Variants in ARHGAP20 observed in about 807,000 individuals in gnomAD.
The protein encoded by ARHGAP20 is Rho GTPase activating protein 20.
A neutral mutation model predicts 73.7 loss-of-function variants in ARHGAP20; 34 were observed. The ratio of observed to expected loss-of-function variants is 0.46; its 90% CI spans 0.35 to 0.61. ARHGAP20 has a LOEUF of 0.61. ARHGAP20 is among the 20% of genes least tolerant of loss of function. The probability of loss-of-function intolerance (pLI) is 0.00; values close to 1 mark genes in which losing one functional copy is unlikely to be tolerated. For synonymous variants in ARHGAP20, 523 were observed against 518.2 expected, an observed-to-expected ratio of 1.01 and a Z score of -0.13; for missense variants, 1,314 against 1,420.9, an observed-to-expected ratio of 0.92 and a Z score of 1.21.
At chr11:110,588,529 T>G (rs1212188199) in intron 11 of ARHGAP20, among the ~76,000 whole-genome samples, 5 of 152,344 alleles carry the variant, frequency 3.3e-5, no homozygotes, top group South Asian at 2.1e-4. Context: ...TCTCCCTTTC[T>G]GCAACCACTT....
At chr11:110,597,799 G>C (rs768786028) in intron 9 of ARHGAP20, among the ~76,000 whole-genome samples, 2 of 151,922 alleles carry the variant, frequency 1.3e-5, no homozygotes, top group Non-Finnish European at 2.9e-5. Context: ...ATATACACAC[G>C]GCATTCAACC....
intron 9 of ARHGAP20, among the ~76,000 whole-genome samples, chr11:110,595,475 A>T (rs952237428): frequency 1.3e-5 from 2 of 152,158 alleles, no homozygotes; most frequent in Non-Finnish European, 2.9e-5. Flanking sequence ...GTACAAAAAT[A>T]ACAAGCATTC....
intron 11 of ARHGAP20, among the ~76,000 whole-genome samples, chr11:110,588,154 C>T (rs910683729): frequency 2.0e-5 from 3 of 152,124 alleles, no homozygotes; most frequent in Non-Finnish European, 2.9e-5. Context: ...TAACAAGTTA[C>T]GAAATACCAC....
At chr11:110,591,276 G>A (rs1268602708) in intron 10 of ARHGAP20, among the ~76,000 whole-genome samples, 1 of 152,186 alleles carries the variant, frequency 6.6e-6, no homozygotes, top group African/African-American at 2.4e-5. Flanking sequence ...GTGTAACATT[G>A]AGTGCAGTAC....
At chr11:110,659,399 A>G (rs1307996478) in intron 2 of ARHGAP20, among the ~76,000 whole-genome samples, 1 of 149,084 alleles carries the variant, frequency 6.7e-6, no homozygotes, top group Non-Finnish European at 1.5e-5. Context: ...CCACTTTTTG[A>G]TGGGGTTGTT....
chr11:110,607,542 C>A (rs565047089), intron 8 of ARHGAP20, among the ~76,000 whole-genome samples: 1 of 152,244 alleles, frequency 6.6e-6, no homozygotes, highest in South Asian at 2.1e-4. Flanking sequence ...GTACAGAGAG[C>A]AAGTTCCCTT....
intron 2 of ARHGAP20, among the ~76,000 whole-genome samples, chr11:110,677,970 C>A (rs1949965953): frequency 1.3e-5 from 2 of 152,040 alleles, no homozygotes; most frequent in African/African-American, 4.8e-5. Context: ...TGGAAACAAC[C>A]TAAATGTCCA....
At chr11:110,602,715 G>C (rs1565432830) in intron 9 of ARHGAP20, among the ~76,000 whole-genome samples, 1 of 152,146 alleles carries the variant, frequency 6.6e-6, no homozygotes, top group African/African-American at 2.4e-5. Context: ...AGGGCATTAG[G>C]AGTAATATCA....
At chr11:110,676,501 T>C (rs943506658) in intron 2 of ARHGAP20, among the ~76,000 whole-genome samples, 3 of 152,150 alleles carry the variant, frequency 2.0e-5, no homozygotes, top group African/African-American at 7.2e-5. Context: ...CCATCAGATC[T>C]CATGAGAACT....
At chr11:110,690,450 C>A (rs1374942755) in intron 2 of ARHGAP20, 97 bp downstream of exon 2, 5 of 1,219,656 alleles carry the variant, frequency 4.1e-6, no homozygotes, top group South Asian at 2.6e-5. Flanking sequence ...TAACAAACAA[C>A]CTCTACACAT....
intron 2 of ARHGAP20, among the ~76,000 whole-genome samples, chr11:110,673,681 G>A (rs1340931204): frequency 6.6e-6 from 1 of 152,128 alleles, no homozygotes; most frequent in Non-Finnish European, 1.5e-5. Context: ...CTGAACCATT[G>A]TGTCACTTTC....
At chr11:110,631,971 A>G (rs141291145) in intron 2 of ARHGAP20, among the ~76,000 whole-genome samples, 46 of 152,292 alleles carry the variant, frequency 3.0e-4, no homozygotes, top group African/African-American at 1.0e-3. Context: ...TGTGTAAGAT[A>G]TTACTTCCTC....
chr11:110,645,349 C>T (rs1949168070), intron 2 of ARHGAP20, among the ~76,000 whole-genome samples: 1 of 152,050 alleles, frequency 6.6e-6, no homozygotes, highest in African/African-American at 2.4e-5. Context: ...AAGTGGCCCA[C>T]AGACATATTT....
At chr11:110,675,453 C>A (rs1220452144) in intron 2 of ARHGAP20, among the ~76,000 whole-genome samples, 1 of 152,096 alleles carries the variant, frequency 6.6e-6, no homozygotes, top group Non-Finnish European at 1.5e-5. Flanking sequence ...GCACCGAGGA[C>A]CAGTTTTGTG....
chr11:110,579,597 C>T lies in ARHGAP20; in HGVS notation c.3349G>A (p.Asp1117Asn), dbSNP rs534496852. The T allele has an allele frequency of 2.2e-5, 36 of 1,614,016 alleles. No homozygotes were observed. In the South Asian group the frequency reaches 3.6e-4, roughly 16 times the overall value. ...AQRCSSSPFQDSERHCSSPFS... is the reference protein window; with the variant it reads ...AQRCSSSPFQNSERHCSSPFS... ...GGAGAGCTACAGTGTCTCTCTGAGT[C>T]CTGGAAGGGAGAAGAACTACACCTT... The change falls in exon 15 of 15, where the codon GAC (aspartate) becomes AAC (asparagine). Residue 1117 changes from aspartate to asparagine, a missense_variant. By Grantham distance (23) the Asp-to-Asn change is conservative. Around this residue, in one of 3 missense-constraint regions of ARHGAP20, gnomAD observed 641 missense variants for 636.9 expected, o/e 1.01. Coordinates refer to ENST00000683387, the MANE Select transcript of ARHGAP20 (RefSeq NM_001384657.1).
Position 110,586,325 on chromosome 11 carries a change from C to T in ARHGAP20, c.1306G>A (p.Asp436Asn). ...SIFVIASVLK[D>N]FLRNIPGSIF... The stretch of plus-strand genomic sequence containing the variant: ...CTTCCTGGAATATTTCGCAGAAAAT[C>T]CTTAAATAGATGGAAAAACAAATAT... The change falls in exon 12 of 15, where the codon GAT becomes AAT. Residue 436 changes from aspartate to asparagine, a missense_variant and splice_region_variant. Coordinates refer to ENST00000683387, the MANE Select transcript of ARHGAP20 (RefSeq NM_001384657.1). The T allele has an allele frequency of 6.5e-7, 1 of 1,533,948 alleles. No homozygotes were observed. The highest frequency in any genetic ancestry group is 1.2e-5 in the South Asian group (1 of 81,312).
Position 110,577,758 on chromosome 11 carries a change from C to T in ARHGAP20, c.*1612G>A, listed in dbSNP as rs774669945. 3.9e-5 allele frequency: 38 copies of T among 985,700 alleles called. No homozygotes were observed. The highest frequency in any genetic ancestry group is 2.3e-4 in the East Asian group (2 of 8,826). 61.1% of individuals were successfully genotyped at this position (985,700 alleles called of 1,614,324 possible). A position where few individuals can be genotyped will look rare whatever the true frequency, so the allele number is the denominator to read the frequency against. ...TCTAAAAGATCATTGTAATGGTTAG[C>T]GCAAACAGGGCCATGTCCCCAAGAG... On this transcript the variant is annotated 3_prime_UTR_variant, in exon 15 of 15. Coordinates refer to ENST00000683387, the MANE Select transcript of ARHGAP20 (RefSeq NM_001384657.1).
intron 2 of ARHGAP20, among the ~76,000 whole-genome samples, chr11:110,676,094 C>A (rs1378372951): frequency 6.6e-6 from 1 of 152,182 alleles, no homozygotes; most frequent in African/African-American, 2.4e-5. Flanking sequence ...TCACAACTCT[C>A]TACTTCATGT....
chr11:110,682,393 G>A (rs909962239), intron 2 of ARHGAP20, among the ~76,000 whole-genome samples: 45 of 152,102 alleles, frequency 3.0e-4, no homozygotes, highest in African/African-American at 8.9e-4. Context: ...ATCATCTCTG[G>A]TTGAAAAACT....
Sources: gnomAD v4.1 joint callset for allele counts (sites outside exome capture counted in the v4.1 genomes callset) on GRCh38, gnomAD v4.1.1 for gene constraint, gnomAD v4.1.1 regional missense constraint, MANE v1.5 for transcripts, NCBI Gene and HGNC (gene_info 2026-07-23, HGNC 2026-07-21) for gene names.